The following CNTNAP2 variants were observed in gnomAD, a reference collection of about 807,000 sequenced individuals.
CNTNAP2 encodes the protein contactin-associated protein-like 2.
In CNTNAP2, 98 loss-of-function variants were observed where a neutral mutation model predicts 155.2. The ratio of observed to expected loss-of-function variants is 0.63; its 90% CI spans 0.54 to 0.75. The LOEUF is 0.75. Ranked by LOEUF, CNTNAP2 falls within the 30% of genes least tolerant of loss-of-function variation. CNTNAP2 has a pLI of 0.00. For synonymous variants in CNTNAP2, 651 were observed against 631.2 expected (o/e 1.03, Z -0.47); for missense variants, 1,727 against 1,688.1 (o/e 1.02, Z -0.40).
At chr7:148,175,602 T>C (rs2972123) in intron 18 of CNTNAP2, among the ~76,000 whole-genome samples, 8,132 of 152,200 alleles carry the variant, frequency 0.053, 557 homozygotes, top group African/African-American at 0.16. Flanking sequence ...GGCTGCCTTG[T>C]TGGGGTCAGG....
At chr7:146,991,975 A>T (rs1524345) in intron 3 of CNTNAP2, among the ~76,000 whole-genome samples, 86,142 of 151,788 alleles carry the variant, frequency 0.57, 24,814 homozygotes, top group East Asian at 0.76. Flanking sequence ...CCCTTTACTC[A>T]CTCAGCAAAC....
At position 147,464,303 on chromosome 7, in the gene CNTNAP2, T is replaced by TA. The variant is rs201545331; in HGVS notation, c.1671-21627dup. ...TAACATGGTGAAACCCTGTCTCTAC[T>TA]AAAAATACAAAAAATTAGCTGGGCC... On this transcript the variant is annotated intron_variant, in intron 10 of 23. Coordinates refer to ENST00000361727, the MANE Select transcript of CNTNAP2 (RefSeq NM_014141.6). Among the ~76,000 whole-genome samples, 1,159 of 151,808 alleles carry TA rather than the reference T, an allele frequency of 7.6e-3. 16 individuals carry two copies. Among genetic ancestry groups the TA allele is most frequent in the African/African-American group, 0.026 (1,085 of 41,402 alleles).
intron 13 of CNTNAP2, among the ~76,000 whole-genome samples, chr7:147,701,955 A>G (rs943460988): frequency 3.3e-5 from 5 of 152,074 alleles, no homozygotes; most frequent in African/African-American, 9.7e-5. Context: ...GCCTGCATGA[A>G]TATAAGCTTG....
intron 1 of CNTNAP2, among the ~76,000 whole-genome samples, chr7:146,561,574 G>C (rs1476163461): frequency 6.6e-6 from 1 of 152,002 alleles, no homozygotes. Context: ...CGGGAGCGTC[G>C]CTTGACCTAG....
chr7:148,320,246 G>A (rs1402556619), intron 21 of CNTNAP2, among the ~76,000 whole-genome samples: 1 of 152,024 alleles, frequency 6.6e-6, no homozygotes, highest in Non-Finnish European at 1.5e-5. Flanking sequence ...TGCAGAATAT[G>A]TCAGTCTCAT....
chr7:147,297,088 A>G (rs953969556), intron 8 of CNTNAP2, among the ~76,000 whole-genome samples: 4 of 152,218 alleles, frequency 2.6e-5, no homozygotes, highest in African/African-American at 9.6e-5. Context: ...TAACAAAAAA[A>G]ATTATATCCA....
intron 8 of CNTNAP2, among the ~76,000 whole-genome samples, chr7:147,289,621 T>C (rs1372432918): frequency 6.6e-6 from 1 of 152,188 alleles, no homozygotes; most frequent in African/African-American, 2.4e-5. Context: ...AAATTAATCA[T>C]TGGCAGAATA....
chr7:146,569,411 A>G (rs1321053004), intron 1 of CNTNAP2, among the ~76,000 whole-genome samples: 1 of 152,186 alleles, frequency 6.6e-6, no homozygotes, highest in African/African-American at 2.4e-5. Flanking sequence ...TCCATGCCCA[A>G]TTACATATAT....
chr7:148,021,588 A>G (rs965317570), intron 15 of CNTNAP2, among the ~76,000 whole-genome samples: 3 of 152,208 alleles, frequency 2.0e-5, no homozygotes, highest in Non-Finnish European at 4.4e-5. Flanking sequence ...CAATGGATCA[A>G]CTATCATTGG....
At position 147,964,073 on chromosome 7, in the gene CNTNAP2, G is replaced by C. The variant is rs373548681; in HGVS notation, c.2256-13789G>C. Among the ~76,000 whole-genome samples the C allele has an allele frequency of 5.9e-5, 9 of 152,142 alleles. No homozygotes were observed. In the South Asian group the frequency reaches 1.9e-3, roughly 32 times the overall value. On this transcript the variant is annotated intron_variant, in intron 14 of 23. Coordinates refer to ENST00000361727, the MANE Select transcript of CNTNAP2 (RefSeq NM_014141.6). ...TAGGTAAAATGAGGCCACAAGAATG[G>C]GGCCTTAATGCGATGGGGGTGGTGC...
chr7:147,655,345 A>T (rs1392068683), intron 13 of CNTNAP2, among the ~76,000 whole-genome samples: 3 of 135,046 alleles, frequency 2.2e-5, no homozygotes, highest in Admixed American at 7.5e-5. Flanking sequence ...CTGGTCTCGA[A>T]CTCCTGACCT....
chr7:146,908,150 G>A (rs2129215827), intron 3 of CNTNAP2, among the ~76,000 whole-genome samples: 1 of 152,216 alleles, frequency 6.6e-6, no homozygotes. Context: ...GATTCATAAA[G>A]CAAGTCCTGA....
intron 12 of CNTNAP2, among the ~76,000 whole-genome samples, chr7:147,579,856 GA>G (rs1388694858): frequency 1.3e-5 from 2 of 152,184 alleles, no homozygotes; most frequent in East Asian, 3.9e-4. Context: ...ATACACTTGG[GA>G]AATTCTGGCT....
chr7:146,599,025 G>A (rs968003433), intron 1 of CNTNAP2, among the ~76,000 whole-genome samples: 2 of 151,904 alleles, frequency 1.3e-5, no homozygotes, highest in African/African-American at 4.8e-5. Flanking sequence ...AAATATTGGA[G>A]TCAGTCATTT....
At chr7:147,874,643 A>AT (rs2116706413) in intron 13 of CNTNAP2, among the ~76,000 whole-genome samples, 1 of 152,160 alleles carries the variant, frequency 6.6e-6, no homozygotes, top group South Asian at 2.1e-4. Context: ...TCCTGGAGAC[A>AT]TTTTCCCTGT....
intron 13 of CNTNAP2, among the ~76,000 whole-genome samples, chr7:147,839,595 G>A (rs988920025): frequency 6.6e-6 from 1 of 151,944 alleles, no homozygotes; most frequent in African/African-American, 2.4e-5. Flanking sequence ...TTGTTGTCAG[G>A]GGCTGTCCTG....
intron 1 of CNTNAP2, among the ~76,000 whole-genome samples, chr7:146,587,638 T>G (rs1287477887): frequency 6.6e-6 from 1 of 152,126 alleles, no homozygotes; most frequent in Admixed American, 6.6e-5. Context: ...CAAGTTTGTG[T>G]GTGTTTGATT....
At chr7:148,074,880 T>A (rs969942256) in intron 15 of CNTNAP2, among the ~76,000 whole-genome samples, 6 of 152,204 alleles carry the variant, frequency 3.9e-5, no homozygotes, top group Non-Finnish European at 8.8e-5. Context: ...ACATTCTTAT[T>A]TTTATCAACA....
chr7:147,516,618 A>ATGTGTGTG (rs10681580), intron 11 of CNTNAP2, among the ~76,000 whole-genome samples: 44 of 149,938 alleles, frequency 2.9e-4, no homozygotes, highest in African/African-American at 1.1e-3. Context: ...GAGAGAGAGA[A>ATGTGTGTG]TGTGTGTGTG....
Sources: gnomAD v4.1 joint callset for allele counts (sites outside exome capture counted in the v4.1 genomes callset) on GRCh38, gnomAD v4.1.1 for gene constraint, MANE v1.5 for transcripts, NCBI Gene and HGNC (gene_info 2026-07-23, HGNC 2026-07-21) for gene names.